MDGA2: variants seen among roughly 807,000 people sequenced by gnomAD.
MDGA2 encodes the protein MAM domain-containing glycosylphosphatidylinositol anchor protein 2.
A neutral mutation model predicts 117.8 loss-of-function variants in MDGA2; 40 were observed. That is an observed-to-expected ratio of 0.34 (90% confidence interval 0.26 to 0.44). The LOEUF (loss-of-function observed/expected upper bound fraction) is 0.44, where lower values mean the gene tolerates loss of function less well. Among genes scored for constraint, MDGA2 ranks in the 20% least tolerant of loss-of-function variants. The pLI, the probability that MDGA2 is intolerant of heterozygous loss-of-function variation, is 1.00. For missense variants in MDGA2, 1,123 were observed against 1,250.6 expected (o/e 0.90, Z 1.54); for synonymous variants, 452 against 439.0 (o/e 1.03, Z -0.37).
intron 2 of MDGA2, among the ~76,000 whole-genome samples, chr14:47,277,941 A>T (rs560803198): frequency 1.3e-5 from 2 of 152,204 alleles, no homozygotes; most frequent in African/African-American, 4.8e-5. Flanking sequence ...GAGCCCAGAG[A>T]TGAAGAGGAA....
intron 9 of MDGA2, among the ~76,000 whole-genome samples, chr14:46,951,242 T>G (rs1885361498): frequency 6.6e-6 from 1 of 151,952 alleles, no homozygotes; most frequent in Non-Finnish European, 1.5e-5. Context: ...ATTTATTTAG[T>G]TAATATTTCA....
At chr14:47,642,064 TAAAATA>T (rs1897435834) in intron 1 of MDGA2, among the ~76,000 whole-genome samples, 1 of 151,918 alleles carries the variant, frequency 6.6e-6, no homozygotes, top group African/African-American at 2.4e-5. Flanking sequence ...TAAAGTGGGG[TAAAATA>T]AGGAGGGGAG....
chr14:47,349,613 T>C (rs1195204114), intron 1 of MDGA2, among the ~76,000 whole-genome samples: 3 of 152,234 alleles, frequency 2.0e-5, no homozygotes, highest in African/African-American at 7.2e-5. Flanking sequence ...TTGGCATTTT[T>C]GTTTTCATTT....
chr14:47,166,774 G>A (rs183202790), intron 3 of MDGA2, among the ~76,000 whole-genome samples: 23 of 152,078 alleles, frequency 1.5e-4, no homozygotes, highest in African/African-American at 5.1e-4. Context: ...TTCACCTGAC[G>A]TAAGAGCATA....
chr14:47,672,261 C>A (rs2138320575), intron 1 of MDGA2, among the ~76,000 whole-genome samples: 1 of 152,288 alleles, frequency 6.6e-6, no homozygotes, highest in East Asian at 1.9e-4. Context: ...AAAAACAATT[C>A]TATTCCTGGC....
intron 2 of MDGA2, among the ~76,000 whole-genome samples, chr14:47,224,861 G>C (rs990366387): frequency 1.2e-4 from 18 of 152,098 alleles, no homozygotes; most frequent in African/African-American, 4.3e-4. Flanking sequence ...GTCCTGCACT[G>C]ATATCAGGGA....
intron 2 of MDGA2, among the ~76,000 whole-genome samples, chr14:47,282,047 C>CG (rs200144048): frequency 2.9e-3 from 319 of 110,452 alleles, no homozygotes; most frequent in East Asian, 8.5e-3. Context: ...AGCTCCGTCT[C>CG]GGGAAAAAAA....
chr14:46,854,327 T>TA (rs1881178451), intron 15 of MDGA2, among the ~76,000 whole-genome samples: 1 of 151,500 alleles, frequency 6.6e-6, no homozygotes, highest in Non-Finnish European at 1.5e-5. Context: ...TTTTAAAATA[T>TA]AAAAATATTT....
At chr14:47,456,002 A>C (rs1343720914) in intron 1 of MDGA2, among the ~76,000 whole-genome samples, 2 of 152,032 alleles carry the variant, frequency 1.3e-5, no homozygotes, top group Non-Finnish European at 2.9e-5. Context: ...GTCTCAAAAA[A>C]TAAAGTAAAA....
At chr14:47,286,824 TAC>T (rs1491068614) in intron 2 of MDGA2, among the ~76,000 whole-genome samples, 17 of 104,198 alleles carry the variant, frequency 1.6e-4, no homozygotes, top group South Asian at 8.0e-4. Context: ...TATATATATA[TAC>T]ATATATATAT....
intron 2 of MDGA2, among the ~76,000 whole-genome samples, chr14:47,247,787 C>T (rs929383816): frequency 3.3e-5 from 5 of 151,296 alleles, no homozygotes; most frequent in African/African-American, 4.8e-5. Flanking sequence ...TACTAACCCT[C>T]TCCTAGCACC....
chr14:46,960,947 T>TACACACAC (rs539775019), intron 8 of MDGA2, among the ~76,000 whole-genome samples: 1 of 137,098 alleles, frequency 7.3e-6, no homozygotes, highest in Admixed American at 7.2e-5. Flanking sequence ...CGTATATATA[T>TACACACAC]ATACACACAC....
chr14:46,962,732 TAAACTC>T (rs1474326531), intron 8 of MDGA2, among the ~76,000 whole-genome samples: 1 of 152,158 alleles, frequency 6.6e-6, no homozygotes, highest in African/African-American at 2.4e-5. Context: ...AAATGGATCT[TAAACTC>T]AGAAGAAAGG....
chr14:47,282,715 C>A (rs563325117), intron 2 of MDGA2, among the ~76,000 whole-genome samples: 11,793 of 144,596 alleles, frequency 0.082, 665 homozygotes, highest in Non-Finnish European at 0.11. Context: ...AAACAAAAAA[C>A]AAAAAACAAA....
At chr14:47,438,025 G>A (rs1278978778) in intron 1 of MDGA2, among the ~76,000 whole-genome samples, 1 of 152,016 alleles carries the variant, frequency 6.6e-6, no homozygotes, top group Admixed American at 6.6e-5. Context: ...AAATATACAT[G>A]GAGCCATGTA....
intron 10 of MDGA2, among the ~76,000 whole-genome samples, chr14:46,912,722 C>G (rs975704356): frequency 1.3e-5 from 2 of 152,064 alleles, no homozygotes; most frequent in African/African-American, 4.8e-5. Context: ...AGAGAAAATC[C>G]TCAAGAAGTA....
At chr14:47,500,668 T>C (rs1300600207) in intron 1 of MDGA2, among the ~76,000 whole-genome samples, 2 of 151,960 alleles carry the variant, frequency 1.3e-5, no homozygotes, top group Non-Finnish European at 2.9e-5. Flanking sequence ...AATTTTAGCA[T>C]TAGAAATAAT....
intron 5 of MDGA2, among the ~76,000 whole-genome samples, chr14:47,114,138 G>A (rs758115051): frequency 3.3e-5 from 5 of 152,076 alleles, no homozygotes; most frequent in Non-Finnish European, 5.9e-5. Flanking sequence ...GCCAAATGAT[G>A]AGTGAACTCC....
intron 6 of MDGA2, among the ~76,000 whole-genome samples, chr14:47,090,810 G>A (rs75947541): frequency 0.02 from 3,001 of 152,238 alleles, 97 homozygotes; most frequent in African/African-American, 0.068. Flanking sequence ...ACAAGAATGA[G>A]AGAGAGACAA....
Sources: gnomAD v4.1 joint callset for allele counts (sites outside exome capture counted in the v4.1 genomes callset) on GRCh38, gnomAD v4.1.1 for gene constraint, MANE v1.5 for transcripts, NCBI Gene and HGNC (gene_info 2026-07-23, HGNC 2026-07-21) for gene names.